MAP3K5: variants seen among roughly 807,000 people sequenced by gnomAD.
MAP3K5 encodes the protein mitogen-activated protein kinase kinase kinase 5.
MAP3K5 carries 56 observed loss-of-function variants against 158.7 expected under a neutral mutation model. The observed-to-expected ratio is 0.35, with a 90% confidence interval of 0.28 to 0.44. The LOEUF (loss-of-function observed/expected upper bound fraction) is 0.44, where lower values mean the gene tolerates loss of function less well. Ranked by LOEUF, MAP3K5 falls within the 20% of genes least tolerant of loss-of-function variation. The pLI is 1.00. For synonymous variants in MAP3K5, 579 were observed against 601.7 expected, an observed-to-expected ratio of 0.96 and a Z score of 0.55; for missense variants, 1,294 against 1,674.8, an observed-to-expected ratio of 0.77 and a Z score of 3.97.
intron 7 of MAP3K5, among the ~76,000 whole-genome samples, chr6:136,691,041 A>T (rs1296805546): frequency 1.3e-5 from 2 of 151,414 alleles, no homozygotes; most frequent in Non-Finnish European, 2.9e-5. Flanking sequence ...TTCCTTCAGC[A>T]CTCACTCTTT....
chr6:136,741,073 T>C (rs937910645), intron 1 of MAP3K5, among the ~76,000 whole-genome samples: 1 of 152,196 alleles, frequency 6.6e-6, no homozygotes, highest in African/African-American at 2.4e-5. Context: ...GTTGTCGATA[T>C]AGACCATGAC....
intron 1 of MAP3K5, among the ~76,000 whole-genome samples, chr6:136,778,537 C>A (rs534560083): frequency 6.6e-6 from 1 of 152,230 alleles, no homozygotes; most frequent in South Asian, 2.1e-4. Context: ...AGAAATCACA[C>A]CTTTTTAACC....
intron 1 of MAP3K5, among the ~76,000 whole-genome samples, chr6:136,789,672 CCTCTTT>C (rs1784987634): frequency 7.3e-6 from 1 of 136,220 alleles, no homozygotes; most frequent in Admixed American, 8.3e-5. Context: ...CCAAGCACAA[CCTCTTT>C]TTTTTTTTTT....
chr6:136,693,544 T>C (rs544494685), intron 7 of MAP3K5, among the ~76,000 whole-genome samples: 1 of 151,694 alleles, frequency 6.6e-6, no homozygotes, highest in Non-Finnish European at 1.5e-5. Flanking sequence ...AAACTGTCTT[T>C]ATATAAATTT....
At chr6:136,711,074 A>G (rs1294951346) in intron 2 of MAP3K5, among the ~76,000 whole-genome samples, 1 of 152,174 alleles carries the variant, frequency 6.6e-6, no homozygotes, top group African/African-American at 2.4e-5. Context: ...TAATCCAACA[A>G]AAGTGTCATA....
intron 1 of MAP3K5, among the ~76,000 whole-genome samples, chr6:136,751,644 A>G (rs917295827): frequency 6.6e-6 from 1 of 152,230 alleles, no homozygotes; most frequent in African/African-American, 2.4e-5. Context: ...CTCAGCCTAG[A>G]AAAACTGTGA....
At chr6:136,687,894 G>A (rs530782623) in intron 7 of MAP3K5, among the ~76,000 whole-genome samples, 16 of 152,170 alleles carry the variant, frequency 1.1e-4, no homozygotes, top group East Asian at 1.9e-4. Flanking sequence ...CAGAAATACC[G>A]TTTGACCCAG....
intron 14 of MAP3K5, among the ~76,000 whole-genome samples, chr6:136,631,942 G>C (rs1777378206): frequency 6.6e-6 from 1 of 152,154 alleles, no homozygotes; most frequent in Non-Finnish European, 1.5e-5. Context: ...GGGCCAAAAT[G>C]CTAAGAGAAC....
chr6:136,681,222 T>C (rs1201365168), intron 7 of MAP3K5, among the ~76,000 whole-genome samples: 2 of 152,204 alleles, frequency 1.3e-5, no homozygotes, highest in Middle Eastern at 3.2e-3. Context: ...CTGGCAAATA[T>C]CTAGTTCTCT....
intron 1 of MAP3K5, among the ~76,000 whole-genome samples, chr6:136,773,521 A>T (rs1364896232): frequency 6.6e-6 from 1 of 152,184 alleles, no homozygotes; most frequent in Non-Finnish European, 1.5e-5. Flanking sequence ...CATTGCTTTT[A>T]GAGCTAATCC....
intron 1 of MAP3K5, among the ~76,000 whole-genome samples, chr6:136,753,387 A>G (rs1452138994): frequency 6.6e-6 from 1 of 152,176 alleles, no homozygotes; most frequent in African/African-American, 2.4e-5. Context: ...CTTTTTTGGT[A>G]CAGCATGCAG....
chr6:136,756,145 G>GA (rs760436999), intron 1 of MAP3K5, among the ~76,000 whole-genome samples: 9,954 of 139,652 alleles, frequency 0.071, 759 homozygotes, highest in African/African-American at 0.2. Flanking sequence ...CGCCTCTACA[G>GA]AAAAAAAAAA....
intron 1 of MAP3K5, among the ~76,000 whole-genome samples, chr6:136,742,958 CA>C (rs1782773666): frequency 6.6e-6 from 1 of 152,104 alleles, no homozygotes; most frequent in African/African-American, 2.4e-5. Context: ...TTGGGGAGGC[CA>C]AGGCAGGAGG....
intron 8 of MAP3K5, among the ~76,000 whole-genome samples, chr6:136,667,105 C>CAT (rs1779260451): frequency 6.6e-6 from 1 of 152,156 alleles, no homozygotes; most frequent in Non-Finnish European, 1.5e-5. Flanking sequence ...GCTTTGCCTA[C>CAT]ATATGCAAAT....
chr6:136,697,747 T>A (rs1031652520), intron 4 of MAP3K5, among the ~76,000 whole-genome samples: 1 of 152,126 alleles, frequency 6.6e-6, no homozygotes, highest in Non-Finnish European at 1.5e-5. Flanking sequence ...TTTGTTTGTT[T>A]GTTGTTTTTG....
intron 7 of MAP3K5, among the ~76,000 whole-genome samples, chr6:136,679,964 T>C (rs1779860816): frequency 6.6e-6 from 1 of 152,128 alleles, no homozygotes; most frequent in South Asian, 2.1e-4. Context: ...ACAATTATTA[T>C]TCAACCTTAC....
chr6:136,600,639 T>C (rs74351426), intron 21 of MAP3K5, among the ~76,000 whole-genome samples: 3,466 of 152,262 alleles, frequency 0.023, 80 homozygotes, highest in East Asian at 0.1. Context: ...AAAAATAGAA[T>C]GTATCACCCC....
intron 4 of MAP3K5, 33 bp downstream of exon 4, chr6:136,698,456 C>G: frequency 6.3e-7 from 1 of 1,577,772 alleles, no homozygotes; most frequent in East Asian, 2.3e-5. Flanking sequence ...ACTTTATTGT[C>G]ATCACCAAAT....
In MAP3K5 at chr6:136,601,924, T is replaced by C. The variant is rs1342734453; in HGVS notation, c.2735A>G (p.Lys912Arg). The C allele has an allele frequency of 1.2e-6, 2 of 1,614,208 alleles. No individual in the cohort carries two copies. Among genetic ancestry groups the C allele is most frequent in the Non-Finnish European group, 1.7e-6 (2 of 1,180,018 alleles). ...EIPESMSAEAKAFILKCFEPD... is the reference protein window; with the variant it reads ...EIPESMSAEARAFILKCFEPD... Reference sequence around the variant, plus strand: ...TTCAAAACATTTCAGTATGAATGCCTTGGCCTCTGCAGACATGGACTCTGG... The same window carrying C: ...TTCAAAACATTTCAGTATGAATGCCCTGGCCTCTGCAGACATGGACTCTGG... The change falls in exon 20 of 30, where the codon AAG (lysine) becomes AGG (arginine). Residue 912 changes from lysine (K) to arginine (R), a missense_variant. Around this residue, in one of 5 missense-constraint regions of MAP3K5, gnomAD observed 362 missense variants for 463.2 expected, o/e 0.78. Coordinates refer to ENST00000359015, the MANE Select transcript of MAP3K5 (RefSeq NM_005923.4).
Sources: gnomAD v4.1 joint callset for allele counts (sites outside exome capture counted in the v4.1 genomes callset) on GRCh38, gnomAD v4.1.1 for gene constraint, gnomAD v4.1.1 regional missense constraint, MANE v1.5 for transcripts, NCBI Gene and HGNC (gene_info 2026-07-23, HGNC 2026-07-21) for gene names.